PAK2: variants seen among roughly 807,000 people sequenced by gnomAD.
The protein encoded by PAK2 is p21 (RAC1) activated kinase 2, also known as serine/threonine-protein kinase PAK 2.
Under a neutral mutation model 65.9 loss-of-function variants are expected in PAK2, and 21 were observed. That is an observed-to-expected ratio of 0.32 (90% CI 0.23 to 0.46). The LOEUF (loss-of-function observed/expected upper bound fraction) is 0.46. Among genes scored for constraint, PAK2 ranks in the 20% least tolerant of loss-of-function variants. PAK2 has a pLI of 1.00. For synonymous variants in PAK2, 204 were observed against 219.7 expected, an observed-to-expected ratio of 0.93 and a Z score of 0.63; for missense variants, 324 against 642.6, an observed-to-expected ratio of 0.50 and a Z score of 5.36.
At chr3:196,795,534 A>C (rs934664080) in intron 2 of PAK2, among the ~76,000 whole-genome samples, 14 of 152,098 alleles carry the variant, frequency 9.2e-5, no homozygotes, top group Non-Finnish European at 1.8e-4. Flanking sequence ...CCAGAAAAAA[A>C]ATGAAAGACT....
intron 1 of PAK2, among the ~76,000 whole-genome samples, chr3:196,763,999 G>A (rs1714073138): frequency 6.6e-6 from 1 of 151,278 alleles, no homozygotes. Flanking sequence ...GTAGAGATGG[G>A]GTTTCACCGT....
intron 1 of PAK2, among the ~76,000 whole-genome samples, chr3:196,749,078 T>G (rs1314787623): frequency 8.7e-6 from 1 of 115,582 alleles, no homozygotes; most frequent in Non-Finnish European, 2.1e-5. Flanking sequence ...CAGAAGTTCT[T>G]TTCTTTTTTT....
In PAK2 at chr3:196,791,311, G is replaced by A. The variant is rs1715062044; in HGVS notation, c.187+8478G>A. 6.6e-6 allele frequency among the ~76,000 whole-genome samples: 1 copy of A among 152,082 alleles called. No individual in the cohort carries two copies. The highest frequency in any genetic ancestry group is 1.5e-5 in the Non-Finnish European group (1 of 68,008). ...CAGAGAGTACCTGTATGTGTGTTATGTAAAAACAAATGGCATTGAACAGAT... is the reference window on the plus strand; with the variant it reads ...CAGAGAGTACCTGTATGTGTGTTATATAAAAACAAATGGCATTGAACAGAT... On this transcript the variant is annotated intron_variant, in intron 2 of 14. Transcript: ENST00000327134. This position sits in a 1 kb window ranked among gnomAD's most constrained non-coding sequence, Gnocchi z 4.0.
chr3:196,747,405 T>A (rs1490071405), intron 1 of PAK2: 1 of 152,224 alleles, frequency 6.6e-6, no homozygotes, highest in Non-Finnish European at 1.5e-5. Context: ...CTGCACATTC[T>A]AATTTACATG....
intron 7 of PAK2, among the ~76,000 whole-genome samples, chr3:196,808,557 C>CAAAAAAAAAAAAAAAAAA (rs1208200034): frequency 3.4e-4 from 19 of 56,570 alleles, no homozygotes; most frequent in African/African-American, 1.2e-3. Flanking sequence ...GACTCCATCT[C>CAAAAAAAAAAAAAAAAAA]AAAAAAAAAA....
chr3:196,780,730 C>G (rs1714679895), intron 1 of PAK2, among the ~76,000 whole-genome samples: 1 of 152,162 alleles, frequency 6.6e-6, no homozygotes. Context: ...GTGACACACT[C>G]CCATCAAGGA....
chr3:196,828,655 A>G lies in PAK2; in HGVS notation c.*250A>G, dbSNP rs1428378307. On this transcript the variant is annotated 3_prime_UTR_variant, in exon 15 of 15. Transcript: ENST00000327134. Reference sequence around the variant, plus strand: ...TCACTAGCCTTAGGTCTTTCAGCAAACAGCCTATCAGGGCCATTTATCATG... The same window carrying G: ...TCACTAGCCTTAGGTCTTTCAGCAAGCAGCCTATCAGGGCCATTTATCATG... 2 of 433,334 alleles carry G rather than the reference A, an allele frequency of 4.6e-6. No homozygotes were observed. Among genetic ancestry groups the G allele is most frequent in the African/African-American group, 4.2e-5 (2 of 47,514 alleles). 26.8% of individuals were successfully genotyped at this position (433,334 alleles called of 1,614,324 possible). A position where few individuals can be genotyped will look rare whatever the true frequency, so the allele number is the denominator to read the frequency against.
rs577367175 is a variant in PAK2 at position 196,820,083 on chromosome 3, C to G, written c.1154-288C>G. ...AGTTTTGGTGTCTACTTTTGCTTTACTTTTTCGTAGACCTCTTTCAGTTTT... is the reference window on the plus strand; with the variant it reads ...AGTTTTGGTGTCTACTTTTGCTTTAGTTTTTCGTAGACCTCTTTCAGTTTT... On this transcript the variant is annotated intron_variant, in intron 12 of 14. Coordinates refer to ENST00000327134, the MANE Select transcript of PAK2 (RefSeq NM_002577.4). The surrounding 1 kb of genome is among the most constrained non-coding windows in gnomAD (Gnocchi z 4.6). 6.6e-6 allele frequency among the ~76,000 whole-genome samples: 1 copy of G among 152,146 alleles called. No individual in the cohort carries two copies. Among genetic ancestry groups the G allele is most frequent in the Non-Finnish European group, 1.5e-5 (1 of 68,024 alleles).
rs75602200 is a variant in PAK2 at position 196,830,835 on chromosome 3, A to G, written c.*2430A>G. The G allele has an allele frequency of 1.3e-5, 2 of 152,234 alleles. No homozygotes were observed. The highest frequency in any genetic ancestry group is 2.9e-5 in the Non-Finnish European group (2 of 68,044). The allele number at this position is 152,234 out of a possible 1,614,324, so 9.4% of individuals were successfully genotyped here. On this transcript the variant is annotated 3_prime_UTR_variant, in exon 15 of 15. Transcript: ENST00000327134. The stretch of plus-strand genomic sequence containing the variant: ...AGAATTGTGATTTATTAATTTTAAA[A>G]CATTCAGAACTTGTTGAAAGAAAAA...
chr3:196,808,060 C>G (rs1477813859), intron 7 of PAK2, 146 bp downstream of exon 7: 4 of 694,546 alleles, frequency 5.8e-6, no homozygotes, highest in African/African-American at 1.8e-5. Flanking sequence ...GCTTCAATTA[C>G]AATCTGGTGA....
chr3:196,784,212 AT>A lies in PAK2; in HGVS notation c.187+1389del, dbSNP rs1351349863. 1.5e-3 allele frequency among the ~76,000 whole-genome samples: 185 copies of A among 123,884 alleles called. 1 individual carries two copies. Among genetic ancestry groups the A allele is most frequent in the Non-Finnish European group, 2.2e-3 (125 of 57,878 alleles). The allele number at this position is 123,884 out of a possible 152,430, so 81.3% of individuals were successfully genotyped here. A position where few individuals can be genotyped will look rare whatever the true frequency, so the allele number is the denominator to read the frequency against. On this transcript the variant is annotated intron_variant, in intron 2 of 14. Coordinates refer to ENST00000327134, the MANE Select transcript of PAK2 (RefSeq NM_002577.4). ...GGCATTGTTTTTGGTTTTGTTTTTA[AT>A]TTTTTTTTTCTTTTTTTTTTTTTTA...
chr3:196,760,976 C>G (rs922280893), intron 1 of PAK2, among the ~76,000 whole-genome samples: 1 of 152,038 alleles, frequency 6.6e-6, no homozygotes, highest in Non-Finnish European at 1.5e-5. Flanking sequence ...GTGGCTCAAG[C>G]CTGTAATCCC....
intron 2 of PAK2, among the ~76,000 whole-genome samples, chr3:196,792,798 GA>G (rs58175165): frequency 2.0e-5 from 3 of 150,006 alleles, no homozygotes; most frequent in African/African-American, 7.4e-5. Flanking sequence ...TAAAATGACA[GA>G]AAAAAATATA....
chr3:196,815,151 G>C (rs1200053867), intron 11 of PAK2, among the ~76,000 whole-genome samples: 1 of 150,662 alleles, frequency 6.6e-6, no homozygotes, highest in Non-Finnish European at 1.5e-5. Context: ...CTGCACTCCA[G>C]CCTGGGCAAC....
chr3:196,759,498 G>GTTTTTGTTTTTTTTTT (rs1713882169), intron 1 of PAK2, among the ~76,000 whole-genome samples: 1 of 108,116 alleles, frequency 9.2e-6, no homozygotes, highest in Non-Finnish European at 1.8e-5. Context: ...GGTTTTTTTT[G>GTTTTTGTTTTTTTTTT]TTTTTTTTTT....
chr3:196,743,487 T>C (rs984140195), intron 1 of PAK2, among the ~76,000 whole-genome samples: 2 of 152,206 alleles, frequency 1.3e-5, no homozygotes, highest in Non-Finnish European at 2.9e-5. Flanking sequence ...TTATAGGTCT[T>C]AATAAACGTT....
At chr3:196,741,475 T>C (rs926642429) in intron 1 of PAK2, among the ~76,000 whole-genome samples, 7 of 152,228 alleles carry the variant, frequency 4.6e-5, no homozygotes, top group Admixed American at 6.5e-5. Flanking sequence ...TCAGGCAACT[T>C]TTTCACTGTG....
chr3:196,815,718 C>T (rs1275662188), intron 11 of PAK2, among the ~76,000 whole-genome samples: 2 of 150,910 alleles, frequency 1.3e-5, no homozygotes, highest in South Asian at 2.1e-4. Flanking sequence ...ACCCAAGAGG[C>T]GGAGGTCACA....
chr3:196,758,889 C>T (rs1307661558), intron 1 of PAK2, among the ~76,000 whole-genome samples: 1 of 152,114 alleles, frequency 6.6e-6, no homozygotes, highest in Non-Finnish European at 1.5e-5. Context: ...AACTCCTGAC[C>T]TCAAGTGATC....
Sources: allele counts gnomAD v4.1 joint callset (sites outside exome capture counted in the v4.1 genomes callset), GRCh38; gene constraint gnomAD v4.1.1; non-coding constraint Gnocchi (gnomAD v3.1); transcripts MANE v1.5; gene names NCBI Gene and HGNC (gene_info 2026-07-23, HGNC 2026-07-21).